Variants in CCNY observed in about 807,000 individuals in gnomAD.
The protein encoded by CCNY is cyclin Y.
CCNY carries 19 observed loss-of-function variants against 42.8 expected under a neutral mutation model. The observed-to-expected ratio is 0.44, with a 90% CI of 0.31 to 0.65. The LOEUF (loss-of-function observed/expected upper bound fraction) is 0.65. CCNY is among the 30% of genes least tolerant of loss of function. The probability of loss-of-function intolerance (pLI) is 0.07; values close to 1 mark genes in which losing one functional copy is unlikely to be tolerated. For synonymous variants in CCNY, 165 were observed against 162.7 expected (o/e 1.01, Z -0.11); for missense variants, 370 against 437.3 (o/e 0.85, Z 1.37).
intron 1 of CCNY, among the ~76,000 whole-genome samples, chr10:35,360,923 C>T (rs528520416): frequency 3.9e-5 from 6 of 152,016 alleles, no homozygotes; most frequent in East Asian, 3.9e-4. Flanking sequence ...TGCAACGGCA[C>T]GATCTCAGCT....
chr10:35,373,097 G>A (rs1420909652), intron 1 of CCNY, among the ~76,000 whole-genome samples: 3 of 152,246 alleles, frequency 2.0e-5, no homozygotes, highest in African/African-American at 4.8e-5. Context: ...ATAAAATGTA[G>A]TAAGAAAACT....
chr10:35,249,648 T>C (rs927275720), intron 2 of CCNY, among the ~76,000 whole-genome samples: 2 of 152,224 alleles, frequency 1.3e-5, no homozygotes, highest in African/African-American at 4.8e-5. Flanking sequence ...TTTATGACAA[T>C]GATGAAGAGA....
chr10:35,381,561 G>A (rs1415933383), intron 1 of CCNY, among the ~76,000 whole-genome samples: 6 of 140,658 alleles, frequency 4.3e-5, no homozygotes, highest in East Asian at 2.1e-4. Flanking sequence ...GTGAGACTCC[G>A]TCTCAAAAAA....
chr10:35,398,490 A>G (rs1015015673), intron 1 of CCNY, among the ~76,000 whole-genome samples: 6 of 151,988 alleles, frequency 3.9e-5, no homozygotes, highest in Admixed American at 3.9e-4. Flanking sequence ...GGGGTCATTT[A>G]TGTGTCTGGC....
At chr10:35,565,710 T>C (rs1435868607) in intron 8 of CCNY, among the ~76,000 whole-genome samples, 1 of 152,198 alleles carries the variant, frequency 6.6e-6, no homozygotes, top group East Asian at 1.9e-4. Context: ...ATCCACCCTT[T>C]GTTAGCAGCC....
chr10:35,436,846 A>G (rs1163658151), intron 1 of CCNY, among the ~76,000 whole-genome samples: 1 of 152,040 alleles, frequency 6.6e-6, no homozygotes, highest in Non-Finnish European at 1.5e-5. Context: ...TTCAGTTTTA[A>G]GTTTTATATT....
chr10:35,419,926 T>A lies in CCNY; in HGVS notation c.155-63478T>A, dbSNP rs1176111034. 2.1e-4 allele frequency among the ~76,000 whole-genome samples: 28 copies of A among 135,906 alleles called. No homozygotes were observed. The East Asian group carries it at 5.4e-3, about 26-fold the overall frequency. The allele number at this position is 135,906 out of a possible 152,430, so 89.2% of individuals were successfully genotyped here. A position where few individuals can be genotyped will look rare whatever the true frequency, so the allele number is the denominator to read the frequency against. ...AGAAGAAATAGATATGGCTGTAATT[T>A]TTTTTTTTTTTTTTTTTAGTACAGT... On this transcript the variant is annotated intron_variant, in intron 1 of 9. Coordinates refer to ENST00000374704, the MANE Select transcript of CCNY (RefSeq NM_145012.6).
intron 3 of CCNY, among the ~76,000 whole-genome samples, chr10:35,264,788 G>A (rs1379601997): frequency 6.6e-6 from 1 of 152,014 alleles, no homozygotes; most frequent in African/African-American, 2.4e-5. Flanking sequence ...CTAAGTAGCT[G>A]GGATAACAGG....
chr10:35,283,784 A>T (rs909219586), intron 3 of CCNY, among the ~76,000 whole-genome samples: 1 of 73,864 alleles, frequency 1.4e-5, no homozygotes, highest in Non-Finnish European at 3.1e-5. Flanking sequence ...CGGTTTTTCT[A>T]AAAAAATAGC....
chr10:35,394,996 AG>A (rs1167343252), intron 1 of CCNY: 3 of 242,784 alleles, frequency 1.2e-5, no homozygotes, highest in Non-Finnish European at 1.9e-5. Context: ...GCCCCACAAT[AG>A]GAATTAAAAA....
chr10:35,404,128 T>G (rs1178101684), intron 1 of CCNY, among the ~76,000 whole-genome samples: 1 of 152,112 alleles, frequency 6.6e-6, no homozygotes, highest in Non-Finnish European at 1.5e-5. Flanking sequence ...AGAAAATAGA[T>G]TTTGGAAGTT....
intron 7 of CCNY, among the ~76,000 whole-genome samples, chr10:35,544,245 A>T (rs1022777387): frequency 7.9e-5 from 12 of 152,272 alleles, no homozygotes; most frequent in African/African-American, 2.9e-4. Context: ...TGCAGGCTCC[A>T]TTTACTGTAA....
chr10:35,344,074 G>A (rs1836246268), intron 1 of CCNY, among the ~76,000 whole-genome samples: 1 of 152,226 alleles, frequency 6.6e-6, no homozygotes, highest in Non-Finnish European at 1.5e-5. Flanking sequence ...TTTCCCTGCA[G>A]CATTTCTCAT....
chr10:35,290,264 A>ACACACACAC (rs61407161), intron 3 of CCNY, among the ~76,000 whole-genome samples: 54 of 149,164 alleles, frequency 3.6e-4, no homozygotes, highest in South Asian at 1.7e-3. Flanking sequence ...ACACACACAC[A>ACACACACAC]AAATTAGCTG....
At chr10:35,465,938 A>AGAGTGT in intron 1 of CCNY, among the ~76,000 whole-genome samples, 70 of 81,020 alleles carry the variant, frequency 8.6e-4, no homozygotes, top group Non-Finnish European at 1.3e-3. Flanking sequence ...AGAGAGAGAG[A>AGAGTGT]GTGTGTGTGT....
At chr10:35,284,398 C>A (rs1455185715) in intron 3 of CCNY, among the ~76,000 whole-genome samples, 1 of 152,092 alleles carries the variant, frequency 6.6e-6, no homozygotes, top group Non-Finnish European at 1.5e-5. Flanking sequence ...TCCTGCCGTG[C>A]CTGAAGTTAT....
intron 3 of CCNY, among the ~76,000 whole-genome samples, chr10:35,259,116 T>C (rs540480281): frequency 2.0e-5 from 3 of 152,262 alleles, no homozygotes; most frequent in Non-Finnish European, 4.4e-5. Flanking sequence ...AAAACAGTTA[T>C]GACAAAGAGA....
At chr10:35,510,437 G>A (rs1427807782) in intron 3 of CCNY, among the ~76,000 whole-genome samples, 2 of 152,092 alleles carry the variant, frequency 1.3e-5, no homozygotes, top group Non-Finnish European at 1.5e-5. Flanking sequence ...GGTTGGTCTC[G>A]AACTCCTGGG....
intron 1 of CCNY, among the ~76,000 whole-genome samples, chr10:35,426,298 A>G (rs1838272890): frequency 6.6e-6 from 1 of 151,984 alleles, no homozygotes; most frequent in African/African-American, 2.4e-5. Context: ...TTTGCTCTCA[A>G]ACCTTCTCTG....
Sources: gnomAD v4.1 joint callset for allele counts (sites outside exome capture counted in the v4.1 genomes callset) on GRCh38, gnomAD v4.1.1 for gene constraint, MANE v1.5 for transcripts, NCBI Gene and HGNC (gene_info 2026-07-23, HGNC 2026-07-21) for gene names.